NCKAP5: variants seen among roughly 807,000 people sequenced by gnomAD.
NCKAP5 encodes the protein NCK associated protein 5.
In NCKAP5, 92 loss-of-function variants were observed where a neutral mutation model predicts 167.0. That is an observed-to-expected ratio of 0.55 (90% CI 0.47 to 0.66). The LOEUF (loss-of-function observed/expected upper bound fraction) is 0.66. Among genes scored for constraint, NCKAP5 ranks in the 30% least tolerant of loss-of-function variants. The pLI is 0.00. For synonymous variants in NCKAP5, 891 were observed against 877.4 expected, an observed-to-expected ratio of 1.02 and a Z score of -0.27; for missense variants, 2,378 against 2,315.0, an observed-to-expected ratio of 1.03 and a Z score of -0.56.
the NCKAP5 span, among the ~76,000 whole-genome samples, chr2:133,579,937 G>T: frequency 6.6e-6 from 1 of 152,228 alleles, no homozygotes; most frequent in African/African-American, 2.4e-5. Context: ...GATTCATAAA[G>T]AATACATAAA....
intron 4 of NCKAP5, among the ~76,000 whole-genome samples, chr2:133,263,286 A>G (rs890636454): frequency 1.5e-4 from 23 of 150,866 alleles, no homozygotes; most frequent in East Asian, 7.8e-4. Flanking sequence ...TCTCTAGGAA[A>G]AAAAAAAAAA....
rs550955388 is a variant in NCKAP5 at position 133,324,566 on chromosome 2, CAG to C, written c.70-21458_70-21457del. 2.4e-4 allele frequency among the ~76,000 whole-genome samples: 36 copies of C among 152,174 alleles called. 1 individual carries two copies. In the South Asian group the frequency reaches 7.3e-3, roughly 31 times the overall value. On this transcript the variant is annotated intron_variant, in intron 3 of 19. Coordinates refer to ENST00000409261, the MANE Select transcript of NCKAP5 (RefSeq NM_207363.3). Reference sequence around the variant, plus strand: ...TTGCTGAAGCACACAGAGGAATTCCCAGAATTTCCTCTAAAGTTTTCACTTAG... The same window carrying C: ...TTGCTGAAGCACACAGAGGAATTCCCAATTTCCTCTAAAGTTTTCACTTAG...
At chr2:133,522,442 G>A (rs1247407951) in intron 2 of NCKAP5, among the ~76,000 whole-genome samples, 1 of 152,104 alleles carries the variant, frequency 6.6e-6, no homozygotes, top group Non-Finnish European at 1.5e-5. Context: ...CCTTCCTTGG[G>A]AAATACCTGG....
At chr2:132,930,494 TTC>T (rs771179304) in intron 8 of NCKAP5, 2 of 152,060 alleles carry the variant, frequency 1.3e-5, no homozygotes, top group African/African-American at 4.8e-5. Flanking sequence ...GAAGGGCAAA[TTC>T]TCTCTCTTTT....
chr2:132,807,984 G>T (rs1436845055), intron 11 of NCKAP5, among the ~76,000 whole-genome samples: 3 of 151,916 alleles, frequency 2.0e-5, no homozygotes, highest in African/African-American at 7.2e-5. Flanking sequence ...GGATTTTGTT[G>T]AATGTTTTTT....
chr2:133,127,899 T>C (rs1304533810), intron 6 of NCKAP5, among the ~76,000 whole-genome samples: 1 of 152,144 alleles, frequency 6.6e-6, no homozygotes, highest in Non-Finnish European at 1.5e-5. Context: ...TATTAAAGTA[T>C]TGATTGGTGT....
chr2:133,650,710 G>A, the NCKAP5 span, among the ~76,000 whole-genome samples: 1 of 150,504 alleles, frequency 6.6e-6, no homozygotes, highest in East Asian at 1.9e-4. Flanking sequence ...CCCCATCTCT[G>A]GAGCGAGAAA....
intron 4 of NCKAP5, among the ~76,000 whole-genome samples, chr2:133,292,881 A>G (rs1415709599): frequency 6.6e-6 from 1 of 152,190 alleles, no homozygotes; most frequent in Non-Finnish European, 1.5e-5. Context: ...ACAGTGGTTT[A>G]TTTATTAACT....
At chr2:133,081,038 A>T (rs573052917) in intron 6 of NCKAP5, among the ~76,000 whole-genome samples, 1 of 152,136 alleles carries the variant, frequency 6.6e-6, no homozygotes, top group African/African-American at 2.4e-5. Context: ...ACCAGGTGGG[A>T]CTCCATCCAA....
chr2:132,994,303 G>A (rs1341833904), intron 6 of NCKAP5, 64 bp from the exon 7 acceptor site: 3 of 1,198,052 alleles, frequency 2.5e-6, no homozygotes, highest in East Asian at 2.6e-5. Flanking sequence ...ATCCACTCGA[G>A]TTGTAGAAAT....
Position 133,495,736 on chromosome 2 carries a change from C to A in NCKAP5, c.69+21722G>T, listed in dbSNP as rs374619182. ...TTAACTAGTCATACCTAGGAATAAA[C>A]CTGCTAACTCATCTGGGTAGTGTAA... On this transcript the variant is annotated intron_variant, in intron 3 of 19. Transcript: ENST00000409261. Among the ~76,000 whole-genome samples the A allele has an allele frequency of 1.6e-3, 240 of 152,298 alleles. 1 individual carries two copies. Among genetic ancestry groups the A allele is most frequent in the African/African-American group, 5.5e-3 (230 of 41,570 alleles).
the NCKAP5 span, among the ~76,000 whole-genome samples, chr2:133,667,231 C>T: frequency 6.7e-6 from 1 of 150,028 alleles, no homozygotes; most frequent in Non-Finnish European, 1.5e-5. Flanking sequence ...AATATTGGAT[C>T]ATTTCCTGGT....
chr2:132,814,831 T>A (rs1252474304), intron 11 of NCKAP5, among the ~76,000 whole-genome samples: 1 of 152,186 alleles, frequency 6.6e-6, no homozygotes. Context: ...TAAAAAGGCA[T>A]ATCTTCCCCA....
chr2:133,287,801 TG>T (rs1424995806), intron 4 of NCKAP5, among the ~76,000 whole-genome samples: 5 of 152,144 alleles, frequency 3.3e-5, no homozygotes, highest in Non-Finnish European at 7.4e-5. Context: ...ACTTGAAGGA[TG>T]GTTAGGGCTT....
At chr2:132,684,013 C>T (rs1424811028) in intron 19 of NCKAP5, among the ~76,000 whole-genome samples, 1 of 152,220 alleles carries the variant, frequency 6.6e-6, no homozygotes, top group Non-Finnish European at 1.5e-5. Context: ...CTCTCTGCCA[C>T]ATGAAATATA....
chr2:133,372,676 C>A (rs2150916644), intron 3 of NCKAP5, among the ~76,000 whole-genome samples: 1 of 152,258 alleles, frequency 6.6e-6, no homozygotes, highest in Admixed American at 6.5e-5. Context: ...ATTCCTAGAC[C>A]CTGTTCGAGA....
intron 1 of NCKAP5, among the ~76,000 whole-genome samples, chr2:133,560,480 C>A (rs540414684): frequency 6.6e-6 from 1 of 152,236 alleles, no homozygotes; most frequent in East Asian, 1.9e-4. Flanking sequence ...AAGAGTACAT[C>A]ACAAGTAAAG....
Position 133,332,967 on chromosome 2 carries a change from C to T in NCKAP5, c.70-29857G>A, listed in dbSNP as rs1682963346. On this transcript the variant is annotated intron_variant, in intron 3 of 19. Coordinates refer to ENST00000409261, the MANE Select transcript of NCKAP5 (RefSeq NM_207363.3). ...AAACCATTTTTCCAAAAGGTTCTCT[C>T]TGGAGGGAAAATTCTGGTCTCAAGA... is the stretch of plus-strand genomic sequence containing the variant. Among the ~76,000 whole-genome samples, 3 of 152,238 alleles carry T rather than the reference C, an allele frequency of 2.0e-5. No individual in the cohort carries two copies. In the South Asian group the frequency reaches 6.2e-4, roughly 31 times the overall value.
chr2:133,310,890 G>T (rs1392303148), intron 3 of NCKAP5, among the ~76,000 whole-genome samples: 1 of 152,192 alleles, frequency 6.6e-6, no homozygotes, highest in Middle Eastern at 3.2e-3. Flanking sequence ...GAGACATTAG[G>T]CAGTCATGAC....
Sources: allele counts gnomAD v4.1 joint callset (sites outside exome capture counted in the v4.1 genomes callset), GRCh38; gene constraint gnomAD v4.1.1; transcripts MANE v1.5; gene names NCBI Gene and HGNC (gene_info 2026-07-23, HGNC 2026-07-21).